STEAP3: variants seen among roughly 807,000 people sequenced by gnomAD.
The protein encoded by STEAP3 is metalloreductase STEAP3.
A neutral mutation model predicts 34.9 loss-of-function variants in STEAP3; 35 were observed. The ratio of observed to expected loss-of-function variants is 1.00; its 90% CI spans 0.76 to 1.33. The LOEUF (loss-of-function observed/expected upper bound fraction) is 1.33, where lower values mean the gene tolerates loss of function less well. STEAP3 is among the 40% of genes most tolerant of loss of function. STEAP3 has a pLI of 0.00. For missense variants in STEAP3, 652 were observed against 667.6 expected, an observed-to-expected ratio of 0.98 and a Z score of 0.26; for synonymous variants, 281 against 301.6, an observed-to-expected ratio of 0.93 and a Z score of 0.71.
At chr2:119,240,932 A>G (rs1439193580) in intron 2 of STEAP3, among the ~76,000 whole-genome samples, 1 of 152,040 alleles carries the variant, frequency 6.6e-6, no homozygotes, top group African/African-American at 2.4e-5. Context: ...CCTGCCCCCA[A>G]CCCCTGCCAG....
intron 4 of STEAP3, among the ~76,000 whole-genome samples, chr2:119,253,105 G>T (rs1241168800): frequency 6.6e-6 from 1 of 152,144 alleles, no homozygotes; most frequent in African/African-American, 2.4e-5. Flanking sequence ...CCAGCTAATG[G>T]TGACTTCAAC....
chr2:119,257,647 T>C, intron 5 of STEAP3: 2 of 1,463,088 alleles, frequency 1.4e-6, no homozygotes, highest in Non-Finnish European at 9.0e-7. Flanking sequence ...ACACGTTAAA[T>C]GCAGGATGCG....
Position 119,230,960 on chromosome 2 carries a change from T to C in STEAP3, c.-53T>C. On this transcript the variant is annotated 5_prime_UTR_variant, in exon 2 of 6. Coordinates refer to ENST00000393110, the MANE Select transcript of STEAP3 (RefSeq NM_182915.3). The stretch of plus-strand genomic sequence containing the variant: ...ACTGAGCCAGAAAGGGTGGCTCACC[T>C]CACGGTGAGGCTGTCGAGTGACCTG... The C allele has an allele frequency of 3.1e-6, 5 of 1,612,220 alleles. No individual in the cohort carries two copies. The highest frequency in any genetic ancestry group is 4.2e-6 in the Non-Finnish European group (5 of 1,178,238).
intron 5 of STEAP3, among the ~76,000 whole-genome samples, chr2:119,256,764 G>A (rs12104639): frequency 0.016 from 2,511 of 152,220 alleles, 71 homozygotes; most frequent in African/African-American, 0.058. Flanking sequence ...TGTCAGCGGC[G>A]CCTGGGAAGC....
At chr2:119,259,213 T>C (rs1464133463) in intron 5 of STEAP3, among the ~76,000 whole-genome samples, 1 of 152,160 alleles carries the variant, frequency 6.6e-6, no homozygotes, top group Non-Finnish European at 1.5e-5. Context: ...GCCGTAGTAA[T>C]TGAGCACCAG....
chr2:119,254,620 C>A, intron 4 of STEAP3, 64 bp from the exon 5 acceptor site: 1 of 1,593,828 alleles, frequency 6.3e-7, no homozygotes, highest in Non-Finnish European at 8.6e-7. Context: ...TGTCCTTCAT[C>A]ATTGCCCTCC....
intron 1 of STEAP3, among the ~76,000 whole-genome samples, chr2:119,228,468 T>G (rs1364875809): frequency 6.6e-6 from 1 of 152,022 alleles, no homozygotes; most frequent in Non-Finnish European, 1.5e-5. Context: ...CCAACCTGGG[T>G]GAAAGGCCAG....
At chr2:119,241,614 G>C (rs1677248041) in intron 2 of STEAP3, among the ~76,000 whole-genome samples, 1 of 152,186 alleles carries the variant, frequency 6.6e-6, no homozygotes. Flanking sequence ...AGCAGCTCCT[G>C]TTAGAGAAGC....
At position 119,263,059 on chromosome 2, in the gene STEAP3, C is replaced by A; in HGVS notation, c.1218C>A (p.Ser406=). ...LNWREFSFVQ[S]SLGFVALVLS... ...CCAGCCTTTTTTTCCCTCCACAGTC[C>A]TCACTGGGCTTTGTGGCCCTCGTGC... is the stretch of plus-strand genomic sequence containing the variant. Residue 406 remains serine (S), a splice_region_variant and synonymous_variant, in exon 6 of 6, where the codon TCC becomes TCA. Coordinates refer to ENST00000393110, the MANE Select transcript of STEAP3 (RefSeq NM_182915.3). 1 of 1,604,282 alleles carries A rather than the reference C, an allele frequency of 6.2e-7. No individual in the cohort carries two copies.
Position 119,247,742 on chromosome 2 carries a change from G to A in STEAP3, c.586G>A (p.Gly196Ser). The change falls in exon 4 of 6, where the codon GGC becomes AGC. Residue 196 changes from glycine to serine, a missense_variant. Gly to Ser is a moderately conservative substitution (Grantham distance 56, BLOSUM62 0). Transcript: ENST00000393110. ...RAVSEMALAM[G>S]FMPVDMGSLA... ...TGTCTCGGAGATGGCGCTCGCCATGGGCTTCATGCCCGTGGACATGGGATC... is the reference window on the plus strand; with the variant it reads ...TGTCTCGGAGATGGCGCTCGCCATGAGCTTCATGCCCGTGGACATGGGATC... 6.3e-7 allele frequency: 1 copy of A among 1,593,094 alleles called. No individual in the cohort carries two copies. The highest frequency in any genetic ancestry group is 8.5e-7 in the Non-Finnish European group (1 of 1,170,976).
chr2:119,245,764 G>A lies in STEAP3; in HGVS notation c.298G>A (p.Ala100Thr). The change falls in exon 3 of 6, where the codon GCT becomes ACT. Residue 100 changes from alanine (A) to threonine (T), a missense_variant. Coordinates refer to ENST00000393110, the MANE Select transcript of STEAP3 (RefSeq NM_182915.3). Reference protein sequence around the residue: ...AVSSPEVIFVAVFREHYSSLC... With the variant: ...AVSSPEVIFVTVFREHYSSLC... Reference sequence around the variant, plus strand: ...GAGCTCCCCGGAGGTCATCTTTGTGGCTGTGTTCCGGGAGCACTACTCTTC... The same window carrying A: ...GAGCTCCCCGGAGGTCATCTTTGTGACTGTGTTCCGGGAGCACTACTCTTC... 1 of 1,614,226 alleles carries A rather than the reference G, an allele frequency of 6.2e-7. No homozygotes were observed. The highest frequency in any genetic ancestry group is 1.1e-5 in the South Asian group (1 of 91,084).
At chr2:119,236,567 T>C (rs2104801768) in intron 2 of STEAP3, among the ~76,000 whole-genome samples, 1 of 152,256 alleles carries the variant, frequency 6.6e-6, no homozygotes, top group East Asian at 1.9e-4. Flanking sequence ...AGTGACCAAT[T>C]GTGGCTTCAG....
intron 3 of STEAP3, chr2:119,246,270 G>A (rs941299172): frequency 4.4e-5 from 18 of 408,794 alleles, no homozygotes; most frequent in African/African-American, 1.0e-4. Flanking sequence ...GGAGGAAAAG[G>A]TTGATGGCTT....
intron 2 of STEAP3, among the ~76,000 whole-genome samples, chr2:119,232,943 T>C (rs1676990611): frequency 6.6e-6 from 1 of 152,222 alleles, no homozygotes; most frequent in Non-Finnish European, 1.5e-5. Context: ...TGTTGAATTT[T>C]GCTACTTGCG....
intron 5 of STEAP3, among the ~76,000 whole-genome samples, chr2:119,259,805 G>A (rs1677886031): frequency 6.6e-6 from 1 of 152,216 alleles, no homozygotes. Context: ...CACCTCCTGG[G>A]AAAGCCCACG....
intron 4 of STEAP3, among the ~76,000 whole-genome samples, chr2:119,252,064 T>C (rs548682729): frequency 6.6e-6 from 1 of 152,330 alleles, no homozygotes; most frequent in African/African-American, 2.4e-5. Flanking sequence ...GATTTTTAAA[T>C]TGGCCACCAC....
chr2:119,259,435 G>A (rs1370527531), intron 5 of STEAP3, among the ~76,000 whole-genome samples: 2 of 152,240 alleles, frequency 1.3e-5, no homozygotes, highest in Non-Finnish European at 2.9e-5. Context: ...GGACAGGAAA[G>A]TCAAAGGCCC....
chr2:119,234,378 C>T (rs1054440993), intron 2 of STEAP3, among the ~76,000 whole-genome samples: 1 of 152,236 alleles, frequency 6.6e-6, no homozygotes, highest in Admixed American at 6.5e-5. Flanking sequence ...TCAGCTGCCA[C>T]TGCCTGATGG....
intron 1 of STEAP3, among the ~76,000 whole-genome samples, chr2:119,225,798 C>A (rs1679018101): frequency 6.6e-6 from 1 of 152,222 alleles, no homozygotes; most frequent in Non-Finnish European, 1.5e-5. Flanking sequence ...AACATGAAGC[C>A]CTCAGCTCTC....
Sources: allele counts gnomAD v4.1 joint callset (sites outside exome capture counted in the v4.1 genomes callset), GRCh38; gene constraint gnomAD v4.1.1; transcripts MANE v1.5; gene names NCBI Gene and HGNC (gene_info 2026-07-23, HGNC 2026-07-21).